The following ENOX2 variants were observed in gnomAD, a reference collection of about 807,000 sequenced individuals.
ENOX2 encodes ecto-NOX disulfide-thiol exchanger 2.
ENOX2 carries 36 observed loss-of-function variants against 45.0 expected under a neutral mutation model. That is an observed-to-expected ratio of 0.80 (90% CI 0.61 to 1.06). The LOEUF (loss-of-function observed/expected upper bound fraction) is 1.06. Among genes scored for constraint, ENOX2 ranks in the 50% least tolerant of loss-of-function variants. The probability of loss-of-function intolerance (pLI) is 0.00; values close to 1 mark genes in which losing one functional copy is unlikely to be tolerated. For synonymous variants in ENOX2, 174 were observed against 152.3 expected (o/e 1.14, Z -1.05); for missense variants, 423 against 462.5 (o/e 0.91, Z 0.78).
intron 10 of ENOX2, among the ~76,000 whole-genome samples, chrX:130,644,835 A>G (rs1032033150): frequency 3.6e-5 from 4 of 111,567 alleles, no homozygotes; most frequent in African/African-American, 1.3e-4. Flanking sequence ...ACCATTTTAA[A>G]TTTTTCAAAA....
chrX:130,721,896 C>G (rs771300257), intron 3 of ENOX2, among the ~76,000 whole-genome samples: 1 of 112,038 alleles, frequency 8.9e-6, no homozygotes, highest in Admixed American at 9.5e-5. Context: ...ACAATTATGC[C>G]TAAAGGAACT....
In ENOX2 at chrX:130,631,460, T is replaced by C; in HGVS notation, c.1528+8A>G. Reference sequence around the variant, plus strand: ...TTGTACGTGGCATGTGTGCATTAGCTTCCTTACCCACTAGCAGTGCTTCAC... The same window carrying C: ...TTGTACGTGGCATGTGTGCATTAGCCTCCTTACCCACTAGCAGTGCTTCAC... On this transcript the variant is annotated splice_region_variant and intron_variant, in intron 13 of 14. Coordinates refer to ENST00000394363, the MANE Select transcript of ENOX2 (RefSeq NM_006375.4). The C allele has an allele frequency of 3.7e-6, 4 of 1,073,439 alleles. No homozygotes were observed. The highest frequency in any genetic ancestry group is 5.2e-6 in the Non-Finnish European group (4 of 769,445). 88.5% of individuals were successfully genotyped at this position (1,073,439 alleles called of 1,213,427 possible). A position where few individuals can be genotyped will look rare whatever the true frequency, so the allele number is the denominator to read the frequency against.
chrX:130,844,496 T>C (rs2078065337), intron 2 of ENOX2, among the ~76,000 whole-genome samples: 1 of 112,153 alleles, frequency 8.9e-6, no homozygotes, highest in Admixed American at 9.4e-5. Context: ...AAGAATACAG[T>C]TGGTCTTAGA....
At chrX:130,711,060 T>G (rs1165679854) in intron 3 of ENOX2, among the ~76,000 whole-genome samples, 2 of 111,970 alleles carry the variant, frequency 1.8e-5, no homozygotes, top group Middle Eastern at 4.6e-3. Context: ...GTATTTGTTG[T>G]GAAAAGATGA....
In ENOX2 at chrX:130,710,017, T is replaced by C. The variant is rs771693773; in HGVS notation, c.-38-6763A>G. ...ACTTATGAGTGAGAACATATGGTATTTGGTTTTCTTAATAGTTTTAAAGAT... is the reference window on the plus strand; with the variant it reads ...ACTTATGAGTGAGAACATATGGTATCTGGTTTTCTTAATAGTTTTAAAGAT... On this transcript the variant is annotated intron_variant, in intron 3 of 14. Coordinates refer to ENST00000394363, the MANE Select transcript of ENOX2 (RefSeq NM_006375.4). Among the ~76,000 whole-genome samples the C allele has an allele frequency of 4.8e-4, 53 of 111,318 alleles. 1 individual carries two copies. Among genetic ancestry groups the C allele is most frequent in the African/African-American group, 1.6e-3 (49 of 30,628 alleles).
chrX:130,816,950 C>A (rs1204511317), intron 2 of ENOX2, among the ~76,000 whole-genome samples: 1 of 111,278 alleles, frequency 9.0e-6, no homozygotes, highest in Non-Finnish European at 1.9e-5. Context: ...ACAAAAAAAC[C>A]CTTCAAAAAG....
At chrX:130,739,933 G>A (rs2038943291) in intron 3 of ENOX2, among the ~76,000 whole-genome samples, 1 of 112,269 alleles carries the variant, frequency 8.9e-6, no homozygotes, top group African/African-American at 3.2e-5. Context: ...TTAATTTGTC[G>A]GAATGGGATC....
At chrX:130,739,680 T>C (rs1359556016) in intron 3 of ENOX2, among the ~76,000 whole-genome samples, 4 of 112,441 alleles carry the variant, frequency 3.6e-5, no homozygotes, top group African/African-American at 1.3e-4. Context: ...GCCATCTACC[T>C]GATAAGGAAA....
intron 5 of ENOX2, among the ~76,000 whole-genome samples, chrX:130,687,791 G>T: frequency 9.0e-6 from 1 of 111,584 alleles, no homozygotes; most frequent in African/African-American, 3.3e-5. Flanking sequence ...AGCAAAAGAG[G>T]CCAAGATGAT....
chrX:130,844,744 C>A (rs2078070253), intron 2 of ENOX2, among the ~76,000 whole-genome samples: 3 of 112,025 alleles, frequency 2.7e-5, no homozygotes, highest in Admixed American at 1.9e-4. Context: ...ACAGCCTGAA[C>A]TTCCCTGGTC....
At position 130,742,245 on chromosome X, in the gene ENOX2, C is replaced by CTTTTTT. The variant is rs67776619; in HGVS notation, c.-38-38997_-38-38992dup. Among the ~76,000 whole-genome samples the CTTTTTT allele has an allele frequency of 6.2e-4, 37 of 60,142 alleles. 2 individuals carry two copies. The highest frequency in any genetic ancestry group is 1.7e-3 in the African/African-American group (24 of 14,351). The allele number at this position is 60,142 out of a possible 115,157, so 52.2% of individuals were successfully genotyped here. On this transcript the variant is annotated intron_variant, in intron 3 of 14. Transcript: ENST00000394363. Reference sequence around the variant, plus strand: ...TGTCTGGTTTGGTACAGATAATTTCCTTTTTTTTTTTTTTTTTTTTTTTTT... The same window carrying CTTTTTT: ...TGTCTGGTTTGGTACAGATAATTTCCTTTTTTTTTTTTTTTTTTTTTTTTTTTTTTT...
intron 2 of ENOX2, among the ~76,000 whole-genome samples, chrX:130,873,235 A>G (rs2078633210): frequency 8.9e-6 from 1 of 112,297 alleles, no homozygotes; most frequent in African/African-American, 3.2e-5. Context: ...TGGGTGAAGG[A>G]TACAAACAGA....
chrX:130,680,684 T>C (rs2037278001), intron 5 of ENOX2, among the ~76,000 whole-genome samples: 1 of 112,855 alleles, frequency 8.9e-6, no homozygotes, highest in Non-Finnish European at 1.9e-5. Context: ...GTTGGTTTTG[T>C]ATCCGCAAGG....
At chrX:130,802,019 G>T (rs2077225398) in intron 2 of ENOX2, among the ~76,000 whole-genome samples, 1 of 112,147 alleles carries the variant, frequency 8.9e-6, no homozygotes, top group South Asian at 3.7e-4. Context: ...TCTATTTGCA[G>T]AAAATCACTT....
intron 2 of ENOX2, among the ~76,000 whole-genome samples, chrX:130,837,718 G>C (rs1011588526): frequency 9.0e-6 from 1 of 111,361 alleles, no homozygotes; most frequent in African/African-American, 3.3e-5. Context: ...TAATCTCTGT[G>C]TTTCAGTTTC....
At chrX:130,678,954 C>A (rs2037225770) in intron 6 of ENOX2, among the ~76,000 whole-genome samples, 1 of 111,497 alleles carries the variant, frequency 9.0e-6, no homozygotes, top group South Asian at 3.8e-4. Flanking sequence ...ACAGTCCCTG[C>A]CCTTAAGGAT....
chrX:130,835,084 GA>G (rs1407794039), intron 2 of ENOX2, among the ~76,000 whole-genome samples: 1 of 110,015 alleles, frequency 9.1e-6, no homozygotes, highest in Non-Finnish European at 1.9e-5. Flanking sequence ...AATTAACTTA[GA>G]AAAAAAACAG....
At chrX:130,795,446 G>T (rs998628372) in intron 2 of ENOX2, among the ~76,000 whole-genome samples, 2 of 112,018 alleles carry the variant, frequency 1.8e-5, no homozygotes, top group Non-Finnish European at 3.8e-5. Flanking sequence ...GCTACAGTCT[G>T]GATTTTAATT....
chrX:130,861,810 T>C (rs1253057772), intron 2 of ENOX2, among the ~76,000 whole-genome samples: 1 of 111,454 alleles, frequency 9.0e-6, no homozygotes, highest in Non-Finnish European at 1.9e-5. Context: ...CAAATAATAA[T>C]AAATAAGAGG....
Sources: allele counts gnomAD v4.1 joint callset (sites outside exome capture counted in the v4.1 genomes callset), GRCh38; gene constraint gnomAD v4.1.1; transcripts MANE v1.5; gene names NCBI Gene and HGNC (gene_info 2026-07-23, HGNC 2026-07-21).